Variants in TSHZ2 observed in about 807,000 individuals in gnomAD.
TSHZ2 encodes the protein teashirt homolog 2.
In TSHZ2, 21 loss-of-function variants were observed where a neutral mutation model predicts 74.4. That is an observed-to-expected ratio of 0.28 (90% CI 0.20 to 0.41). The LOEUF (loss-of-function observed/expected upper bound fraction) is 0.41, where lower values mean the gene tolerates loss of function less well. TSHZ2 is among the 10% of genes least tolerant of loss of function. The pLI, the probability that TSHZ2 is intolerant of heterozygous loss-of-function variation, is 1.00. For synonymous variants in TSHZ2, 540 were observed against 515.3 expected, an observed-to-expected ratio of 1.05 and a Z score of -0.65; for missense variants, 1,244 against 1,293.5, an observed-to-expected ratio of 0.96 and a Z score of 0.59.
At chr20:53,374,107 C>T (rs892279178) in intron 2 of TSHZ2, among the ~76,000 whole-genome samples, 4 of 152,134 alleles carry the variant, frequency 2.6e-5, no homozygotes, top group Non-Finnish European at 1.5e-5. Context: ...TAATAAACGT[C>T]GTATCCAATA....
intron 1 of TSHZ2, among the ~76,000 whole-genome samples, chr20:53,037,285 A>G (rs1600659052): frequency 6.6e-6 from 1 of 152,330 alleles, no homozygotes; most frequent in East Asian, 1.9e-4. Context: ...ATTATTCTGC[A>G]CACAATAAAA....
chr20:53,221,387 A>G (rs1600749857), intron 1 of TSHZ2, among the ~76,000 whole-genome samples: 1 of 152,214 alleles, frequency 6.6e-6, no homozygotes, highest in South Asian at 2.1e-4. Flanking sequence ...TGGTAACTAC[A>G]TTTAAAAATA....
chr20:53,306,743 A>G (rs1273746169), intron 2 of TSHZ2, among the ~76,000 whole-genome samples: 1 of 152,220 alleles, frequency 6.6e-6, no homozygotes, highest in Non-Finnish European at 1.5e-5. Context: ...TAATTTGGGT[A>G]ATGAAATCTG....
chr20:53,401,983 T>C (rs1415422414), intron 2 of TSHZ2, among the ~76,000 whole-genome samples: 2 of 152,032 alleles, frequency 1.3e-5, no homozygotes, highest in Non-Finnish European at 2.9e-5. Context: ...TGGGGTTTCA[T>C]CGTGTTAACC....
At chr20:53,323,365 T>C (rs1467556900) in intron 2 of TSHZ2, among the ~76,000 whole-genome samples, 3 of 152,022 alleles carry the variant, frequency 2.0e-5, no homozygotes, top group African/African-American at 7.2e-5. Flanking sequence ...GTCTCTACCT[T>C]CTACCGTGTG....
chr20:53,243,199 G>A (rs115927752), intron 1 of TSHZ2, among the ~76,000 whole-genome samples: 3 of 152,152 alleles, frequency 2.0e-5, no homozygotes, highest in Non-Finnish European at 2.9e-5. Context: ...ATAGGGAATG[G>A]AATTTCAAGG....
intron 2 of TSHZ2, among the ~76,000 whole-genome samples, chr20:53,338,370 G>A (rs2145562785): frequency 6.6e-6 from 1 of 152,270 alleles, no homozygotes; most frequent in Admixed American, 6.5e-5. Flanking sequence ...TCCAAGGAGG[G>A]TCTCCTATGA....
intron 2 of TSHZ2, among the ~76,000 whole-genome samples, chr20:53,428,589 T>C (rs1983733676): frequency 2.0e-5 from 3 of 152,202 alleles, no homozygotes; most frequent in African/African-American, 7.2e-5. Context: ...ATGAGGGTGG[T>C]CAATGAACTC....
intron 1 of TSHZ2, among the ~76,000 whole-genome samples, chr20:53,250,724 G>C (rs2426477): frequency 0.33 from 50,645 of 151,764 alleles, 8,805 homozygotes; most frequent in South Asian, 0.47. Context: ...TCTGTATTGT[G>C]GGGGAGGCGT....
intron 1 of TSHZ2, among the ~76,000 whole-genome samples, chr20:53,018,168 C>T (rs1983109225): frequency 6.6e-6 from 1 of 152,178 alleles, no homozygotes; most frequent in Non-Finnish European, 1.5e-5. Flanking sequence ...AGGCAACGTC[C>T]TTCTGTCTCC....
chr20:53,357,235 A>G (rs1399615622), intron 2 of TSHZ2, among the ~76,000 whole-genome samples: 6 of 152,238 alleles, frequency 3.9e-5, no homozygotes, highest in Non-Finnish European at 8.8e-5. Flanking sequence ...TAATTCCACA[A>G]TAAATTCATG....
chr20:53,243,730 C>CT, intron 1 of TSHZ2, among the ~76,000 whole-genome samples: 1 of 152,134 alleles, frequency 6.6e-6, no homozygotes, highest in Non-Finnish European at 1.5e-5. Context: ...ACAGCAAAGA[C>CT]TTTTCACCAG....
chr20:53,050,221 T>G (rs1204055552), intron 1 of TSHZ2, among the ~76,000 whole-genome samples: 1 of 147,666 alleles, frequency 6.8e-6, no homozygotes, highest in Non-Finnish European at 1.5e-5. Flanking sequence ...ATATGAATGT[T>G]TATATATAGT....
At chr20:53,239,523 G>T (rs1346886314) in intron 1 of TSHZ2, among the ~76,000 whole-genome samples, 1 of 152,162 alleles carries the variant, frequency 6.6e-6, no homozygotes, top group Admixed American at 6.5e-5. Context: ...TACCACCTGG[G>T]AGGGGAGGTC....
At chr20:53,469,060 T>TAC (rs1568931561) in intron 2 of TSHZ2, among the ~76,000 whole-genome samples, 1 of 120,350 alleles carries the variant, frequency 8.3e-6, no homozygotes, top group African/African-American at 3.2e-5. Flanking sequence ...TATATATATA[T>TAC]ATATATATAT....
intron 2 of TSHZ2, among the ~76,000 whole-genome samples, chr20:53,331,181 G>A (rs1328035400): frequency 1.3e-5 from 2 of 152,214 alleles, no homozygotes; most frequent in Admixed American, 1.3e-4. Context: ...AGTTGGTAGG[G>A]CATAGTGATA....
At chr20:52,993,557 A>G (rs1047169757) in intron 1 of TSHZ2, among the ~76,000 whole-genome samples, 1 of 152,222 alleles carries the variant, frequency 6.6e-6, no homozygotes, top group Non-Finnish European at 1.5e-5. Context: ...GCACTCTGAC[A>G]AATAAAAATA....
At chr20:53,081,599 C>T (rs1219340905) in intron 1 of TSHZ2, among the ~76,000 whole-genome samples, 1 of 152,210 alleles carries the variant, frequency 6.6e-6, no homozygotes, top group African/African-American at 2.4e-5. Flanking sequence ...GGTAACACTC[C>T]TCCCACCACT....
At chr20:53,344,220 A>G (rs970547171) in intron 2 of TSHZ2, among the ~76,000 whole-genome samples, 1 of 152,000 alleles carries the variant, frequency 6.6e-6, no homozygotes, top group African/African-American at 2.4e-5. Context: ...CCTCATCATC[A>G]TCATCATCAT....
Sources: gnomAD v4.1 joint callset for allele counts (sites outside exome capture counted in the v4.1 genomes callset) on GRCh38, gnomAD v4.1.1 for gene constraint, MANE v1.5 for transcripts, NCBI Gene and HGNC (gene_info 2026-07-23, HGNC 2026-07-21) for gene names.